NANP: variants seen among roughly 807,000 people sequenced by gnomAD.
NANP encodes N-acetylneuraminic acid phosphatase, also known as N-acylneuraminate-9-phosphatase.
Under a neutral mutation model 16.9 loss-of-function variants are expected in NANP, and 15 were observed. That is an observed-to-expected ratio of 0.89 (90% confidence interval 0.59 to 1.37). The LOEUF is 1.37. Ranked by LOEUF, NANP falls within the 40% of genes most tolerant of loss-of-function variation. The probability of loss-of-function intolerance (pLI) is 0.00; values close to 1 mark genes in which losing one functional copy is unlikely to be tolerated. For missense variants in NANP, 290 were observed against 303.5 expected, an observed-to-expected ratio of 0.96 and a Z score of 0.33; for synonymous variants, 135 against 112.6, an observed-to-expected ratio of 1.20 and a Z score of -1.26.
Position 25,614,460 on chromosome 20 carries a change from A to G in NANP, c.*1465T>C, listed in dbSNP as rs1161861681. The G allele has an allele frequency of 6.6e-6, 1 of 152,178 alleles. No homozygotes were observed. The highest frequency in any genetic ancestry group is 1.5e-5 in the Non-Finnish European group (1 of 68,046). The allele number at this position is 152,178 out of a possible 1,614,324, so 9.4% of individuals were successfully genotyped here. A position where few individuals can be genotyped will look rare whatever the true frequency, so the allele number is the denominator to read the frequency against. On this transcript the variant is annotated 3_prime_UTR_variant, in exon 2 of 2. Transcript: ENST00000304788. ...GGTTAGTATAATCATGAGACTGTCT[A>G]GCCTAATAGTCTAGAGAAAATTCTC...
chr20:25,620,344 C>G (rs1198219721), intron 1 of NANP, among the ~76,000 whole-genome samples: 1 of 152,162 alleles, frequency 6.6e-6, no homozygotes, highest in East Asian at 1.9e-4. Flanking sequence ...AGGGGCCCTG[C>G]TCTGACAGAA....
chr20:25,623,592 C>T (rs1371065126), intron 1 of NANP, among the ~76,000 whole-genome samples: 1 of 152,182 alleles, frequency 6.6e-6, no homozygotes, highest in Non-Finnish European at 1.5e-5. Context: ...GTCACGGAGC[C>T]CTTCCGCGTC....
At chr20:25,619,180 G>A (rs1262497599) in intron 1 of NANP, among the ~76,000 whole-genome samples, 3 of 149,580 alleles carry the variant, frequency 2.0e-5, no homozygotes, top group Non-Finnish European at 4.4e-5. Context: ...GCTGGATGGA[G>A]TGCAGTAGAG....
chr20:25,624,008 G>A lies in NANP; in HGVS notation c.-60C>T. 3 of 1,548,640 alleles carry A rather than the reference G, an allele frequency of 1.9e-6. No individual in the cohort carries two copies. Among genetic ancestry groups the A allele is most frequent in the South Asian group, 1.1e-5 (1 of 88,162 alleles). Reference sequence around the variant, plus strand: ...ACCGCCGCCTGCGCATGCGCAAGGCGGACTGCCCAGAGAGACGTGGGAGGA... The same window carrying A: ...ACCGCCGCCTGCGCATGCGCAAGGCAGACTGCCCAGAGAGACGTGGGAGGA... On this transcript the variant is annotated 5_prime_UTR_variant, in exon 1 of 2. Transcript: ENST00000304788.
At chr20:25,618,285 T>C (rs923834396) in intron 1 of NANP, among the ~76,000 whole-genome samples, 1 of 152,070 alleles carries the variant, frequency 6.6e-6, no homozygotes, top group African/African-American at 2.4e-5. Context: ...GCAGAGGAAG[T>C]CACATTGAGA....
rs1476318606 is a variant in NANP at position 25,624,011 on chromosome 20, C to G, written c.-63G>C. 10 of 1,534,872 alleles carry G rather than the reference C, an allele frequency of 6.5e-6. No homozygotes were observed. In the Admixed American group the frequency reaches 9.2e-5, roughly 14 times the overall value. On this transcript the variant is annotated 5_prime_UTR_variant, in exon 1 of 2. Coordinates refer to ENST00000304788, the MANE Select transcript of NANP (RefSeq NM_152667.3). ...GCCGCCTGCGCATGCGCAAGGCGGA[C>G]TGCCCAGAGAGACGTGGGAGGAGCC...
At position 25,613,926 on chromosome 20, in the gene NANP, G is replaced by A. The variant is rs1413830708; in HGVS notation, c.*1999C>T. 1.0e-5 allele frequency: 4 copies of A among 397,968 alleles called. No individual in the cohort carries two copies. Among genetic ancestry groups the A allele is most frequent in the Admixed American group, 4.4e-5 (1 of 22,672 alleles). 24.7% of individuals were successfully genotyped at this position (397,968 alleles called of 1,614,324 possible). ...AAAGGACAAGCCCCCTGCAGCACAC[G>A]CCAACCAATCTATCAGAGCAATCAT... On this transcript the variant is annotated 3_prime_UTR_variant, in exon 2 of 2. Coordinates refer to ENST00000304788, the MANE Select transcript of NANP (RefSeq NM_152667.3).
chr20:25,613,896 A>G lies in NANP; in HGVS notation c.*2029T>C. ...ACTGCCTACATCCATCCTGTGGGAG[A>G]GTTAAAAGGACAAGCCCCCTGCAGC... is the stretch of plus-strand genomic sequence containing the variant. On this transcript the variant is annotated 3_prime_UTR_variant, in exon 2 of 2. Transcript: ENST00000304788. 1 of 398,498 alleles carries G rather than the reference A, an allele frequency of 2.5e-6. No individual in the cohort carries two copies. The highest frequency in any genetic ancestry group is 3.6e-5 in the East Asian group (1 of 28,074). The allele number at this position is 398,498 out of a possible 1,614,324, so 24.7% of individuals were successfully genotyped here.
Position 25,615,115 on chromosome 20 carries a change from G to C in NANP, c.*810C>G, listed in dbSNP as rs532723438. The C allele has an allele frequency of 6.6e-6, 1 of 152,554 alleles. No homozygotes were observed. Among genetic ancestry groups the C allele is most frequent in the Non-Finnish European group, 1.5e-5 (1 of 68,034 alleles). 9.5% of individuals were successfully genotyped at this position (152,554 alleles called of 1,614,324 possible). On this transcript the variant is annotated 3_prime_UTR_variant, in exon 2 of 2. Transcript: ENST00000304788. ...CAATTATCTCTAGCAAAACAGCCTA[G>C]CTCCCTCAACCCCACTGTGTGTCTG...
In NANP at chr20:25,620,342, T is replaced by C. The variant is rs140205083; in HGVS notation, c.90+3517A>G. Among the ~76,000 whole-genome samples the C allele has an allele frequency of 7.9e-5, 12 of 152,280 alleles. No individual in the cohort carries two copies. In the East Asian group the frequency reaches 2.3e-3, roughly 29 times the overall value. On this transcript the variant is annotated intron_variant, in intron 1 of 1. Transcript: ENST00000304788. ...CTCGCTGGCCTGAAGAAAGGGGCCC[T>C]GCTCTGACAGAAGGGCTATCCGTTA...
At chr20:25,618,924 C>T (rs2387976) in intron 1 of NANP, among the ~76,000 whole-genome samples, 54,654 of 151,788 alleles carry the variant, frequency 0.36, 10,810 homozygotes, top group Admixed American at 0.46. Context: ...CAGGTGAGCA[C>T]CTGAAGAAAG....
chr20:25,616,627 T>C (rs1324871326), intron 1 of NANP, 46 bp from the exon 2 acceptor site: 1 of 1,412,006 alleles, frequency 7.1e-7, no homozygotes, highest in Non-Finnish European at 9.6e-7. Context: ...ATGTCTTTAG[T>C]AGTCATGCCC....
At chr20:25,623,056 G>T (rs74554804) in intron 1 of NANP, among the ~76,000 whole-genome samples, 1 of 152,230 alleles carries the variant, frequency 6.6e-6, no homozygotes, top group Non-Finnish European at 1.5e-5. Context: ...TGAAGAGGAC[G>T]GGGCGCTCAG....
chr20:25,620,021 T>A (rs193271006), intron 1 of NANP, among the ~76,000 whole-genome samples: 38 of 152,348 alleles, frequency 2.5e-4, no homozygotes, highest in African/African-American at 9.1e-4. Flanking sequence ...CCTCATTTTG[T>A]CATACAGCAA....
Position 25,614,113 on chromosome 20 carries a change from A to G in NANP, c.*1812T>C. On this transcript the variant is annotated 3_prime_UTR_variant, in exon 2 of 2. Transcript: ENST00000304788. Reference sequence around the variant, plus strand: ...TTGGTACAGTCAAGGGCACAATCACATTTTTAAAAATCTAGAGCGAAAAGT... The same window carrying G: ...TTGGTACAGTCAAGGGCACAATCACGTTTTTAAAAATCTAGAGCGAAAAGT... 3.0e-6 allele frequency: 1 copy of G among 338,492 alleles called. No homozygotes were observed. Among genetic ancestry groups the G allele is most frequent in the African/African-American group, 2.1e-5 (1 of 47,510 alleles). The allele number at this position is 338,492 out of a possible 1,614,324, so 21.0% of individuals were successfully genotyped here. A position where few individuals can be genotyped will look rare whatever the true frequency, so the allele number is the denominator to read the frequency against.
chr20:25,613,881 T>G lies in NANP; in HGVS notation c.*2044A>C. The stretch of plus-strand genomic sequence containing the variant: ...CATAATGAATGTGACACTGCCTACA[T>G]CCATCCTGTGGGAGAGTTAAAAGGA... On this transcript the variant is annotated 3_prime_UTR_variant, in exon 2 of 2. Coordinates refer to ENST00000304788, the MANE Select transcript of NANP (RefSeq NM_152667.3). 1 of 398,572 alleles carries G rather than the reference T, an allele frequency of 2.5e-6. No homozygotes were observed. The highest frequency in any genetic ancestry group is 3.6e-5 in the East Asian group (1 of 28,070). The allele number at this position is 398,572 out of a possible 1,614,324, so 24.7% of individuals were successfully genotyped here.
In NANP at chr20:25,616,909, G is replaced by A. The variant is rs562291993; in HGVS notation, c.91-328C>T. Among the ~76,000 whole-genome samples the A allele has an allele frequency of 4.6e-5, 7 of 152,158 alleles. No individual in the cohort carries two copies. The South Asian group carries it at 6.2e-4, about 14-fold the overall frequency. On this transcript the variant is annotated intron_variant, in intron 1 of 1. Transcript: ENST00000304788. The stretch of plus-strand genomic sequence containing the variant: ...AAATAAAACTTGTGCTTTTTGGGCC[G>A]GGCATGGTGGCTCATGCCTGTAATC...
At position 25,613,630 on chromosome 20, in the gene NANP, C is replaced by T. The variant is rs1372693936; in HGVS notation, c.*2295G>A. Reference sequence around the variant, plus strand: ...TTAAAATATTTTCTGTAACATTCCACTCAGAAGGTAGATAACCACAAAGTT... The same window carrying T: ...TTAAAATATTTTCTGTAACATTCCATTCAGAAGGTAGATAACCACAAAGTT... On this transcript the variant is annotated 3_prime_UTR_variant, in exon 2 of 2. Coordinates refer to ENST00000304788, the MANE Select transcript of NANP (RefSeq NM_152667.3). The T allele has an allele frequency of 1.5e-5, 6 of 396,104 alleles. No homozygotes were observed. Among genetic ancestry groups the T allele is most frequent in the Non-Finnish European group, 2.7e-5 (6 of 225,186 alleles). 24.5% of individuals were successfully genotyped at this position (396,104 alleles called of 1,614,324 possible). A position where few individuals can be genotyped will look rare whatever the true frequency, so the allele number is the denominator to read the frequency against.
At chr20:25,623,749 G>C in intron 1 of NANP, 110 bp downstream of exon 1, 1 of 1,099,300 alleles carries the variant, frequency 9.1e-7, no homozygotes. Context: ...CAACCAGCAA[G>C]AGCGGCCCGC....
Sources: gnomAD v4.1 joint callset for allele counts (sites outside exome capture counted in the v4.1 genomes callset) on GRCh38, gnomAD v4.1.1 for gene constraint, MANE v1.5 for transcripts, NCBI Gene and HGNC (gene_info 2026-07-23, HGNC 2026-07-21) for gene names.